Variants in RAB31 observed in about 807,000 individuals in gnomAD.
The protein encoded by RAB31 is RAB31, member RAS oncogene family.
In RAB31, 21 loss-of-function variants were observed where a neutral mutation model predicts 25.6. That is an observed-to-expected ratio of 0.82 (90% CI 0.58 to 1.18). The LOEUF is 1.18. Ranked by LOEUF, RAB31 falls within the 50% of genes most tolerant of loss-of-function variation. RAB31 has a pLI of 0.00. For synonymous variants in RAB31, 87 were observed against 84.0 expected, an observed-to-expected ratio of 1.04 and a Z score of -0.20; for missense variants, 196 against 250.1, an observed-to-expected ratio of 0.78 and a Z score of 1.46.
intron 1 of RAB31, among the ~76,000 whole-genome samples, chr18:9,743,591 C>A (rs899525144): frequency 6.6e-6 from 1 of 152,152 alleles, no homozygotes; most frequent in Non-Finnish European, 1.5e-5. Flanking sequence ...CTCCTGGGTC[C>A]GGCCCTCCCG....
chr18:9,817,940 A>G (rs2068607175), intron 5 of RAB31, among the ~76,000 whole-genome samples: 1 of 152,222 alleles, frequency 6.6e-6, no homozygotes, highest in Admixed American at 6.5e-5. Context: ...TGGTAGTGTC[A>G]TGGGGCCACT....
intron 1 of RAB31, among the ~76,000 whole-genome samples, chr18:9,730,150 A>G (rs1372429803): frequency 6.6e-6 from 1 of 152,262 alleles, no homozygotes; most frequent in Non-Finnish European, 1.5e-5. Context: ...ATGAGATTTT[A>G]AGTTTAAAAA....
intron 1 of RAB31, among the ~76,000 whole-genome samples, chr18:9,733,080 C>T (rs770427137): frequency 9.9e-5 from 15 of 152,188 alleles, no homozygotes; most frequent in Non-Finnish European, 2.1e-4. Flanking sequence ...GCGAGTTAGA[C>T]AGTTTCCACT....
intron 2 of RAB31, among the ~76,000 whole-genome samples, chr18:9,791,780 A>G (rs893859053): frequency 6.6e-6 from 1 of 151,866 alleles, no homozygotes; most frequent in African/African-American, 2.4e-5. Flanking sequence ...AATTTTTTGT[A>G]TTTTTAGTAG....
intron 1 of RAB31, among the ~76,000 whole-genome samples, chr18:9,763,616 ATATATATG>A (rs1397818785): frequency 7.0e-6 from 1 of 143,710 alleles, no homozygotes; most frequent in African/African-American, 2.5e-5. Flanking sequence ...ATATATATAT[ATATATATG>A]GTGAAAAAGT....
intron 5 of RAB31, among the ~76,000 whole-genome samples, chr18:9,820,216 C>T (rs1285967308): frequency 6.6e-6 from 1 of 151,948 alleles, no homozygotes; most frequent in Non-Finnish European, 1.5e-5. Context: ...GAAGAAATTC[C>T]CTTCTGCTCC....
At chr18:9,802,853 A>G (rs545898708) in intron 3 of RAB31, among the ~76,000 whole-genome samples, 6 of 152,348 alleles carry the variant, frequency 3.9e-5, no homozygotes, top group South Asian at 2.1e-4. Context: ...CAGACATCCA[A>G]AGAAACTCTT....
At chr18:9,826,249 G>C (rs564862183) in intron 5 of RAB31, among the ~76,000 whole-genome samples, 2 of 151,904 alleles carry the variant, frequency 1.3e-5, no homozygotes, top group Non-Finnish European at 2.9e-5. Flanking sequence ...GGTGGCACAC[G>C]CCTGTAATCC....
At chr18:9,711,360 A>G (rs1294546233) in intron 1 of RAB31, among the ~76,000 whole-genome samples, 1 of 151,714 alleles carries the variant, frequency 6.6e-6, no homozygotes, top group Non-Finnish European at 1.5e-5. Context: ...GCTAAGTCCA[A>G]AAGTCCTTTA....
chr18:9,774,180 A>C (rs2068360148), intron 1 of RAB31, among the ~76,000 whole-genome samples: 1 of 152,106 alleles, frequency 6.6e-6, no homozygotes, highest in Admixed American at 6.5e-5. Flanking sequence ...GGGATCCCAA[A>C]TATCGGGAAC....
In RAB31 at chr18:9,861,102, GTAAAAAAA is replaced by G. The variant is rs914103006; in HGVS notation, c.*1778_*1785del. ...GAAATGATCATACCCCTTGCCAAAG[GTAAAAAAA>G]AAAAAAAAAAAATGAGTTGAAAATT... On this transcript the variant is annotated 3_prime_UTR_variant, in exon 7 of 7. Coordinates refer to ENST00000578921, the MANE Select transcript of RAB31 (RefSeq NM_006868.4). 1 of 141,530 alleles carries G rather than the reference GTAAAAAAA, an allele frequency of 7.1e-6. No homozygotes were observed. Among genetic ancestry groups the G allele is most frequent in the African/African-American group, 2.7e-5 (1 of 37,590 alleles). The allele number at this position is 141,530 out of a possible 1,614,324, so 8.8% of individuals were successfully genotyped here. A position where few individuals can be genotyped will look rare whatever the true frequency, so the allele number is the denominator to read the frequency against.
At chr18:9,839,656 C>T (rs191607352) in intron 5 of RAB31, among the ~76,000 whole-genome samples, 1 of 152,222 alleles carries the variant, frequency 6.6e-6, no homozygotes, top group Admixed American at 6.5e-5. Context: ...TGACAAGTTG[C>T]ATTTGTGAAG....
intron 3 of RAB31, among the ~76,000 whole-genome samples, chr18:9,813,018 T>TA (rs550149367): frequency 2.6e-4 from 39 of 152,154 alleles, no homozygotes; most frequent in South Asian, 6.2e-4. Context: ...CTTTTTAATT[T>TA]AAAAAAATAT....
chr18:9,792,374 T>C, intron 3 of RAB31, 139 bp downstream of exon 3: 2 of 1,416,148 alleles, frequency 1.4e-6, no homozygotes, highest in South Asian at 1.4e-5. Flanking sequence ...AAAAAGAAAA[T>C]GTACTCATTA....
intron 3 of RAB31, among the ~76,000 whole-genome samples, chr18:9,812,135 C>T (rs2068575331): frequency 1.3e-5 from 2 of 152,178 alleles, no homozygotes; most frequent in South Asian, 4.1e-4. Flanking sequence ...GGACTAATCC[C>T]ATCTGTGACC....
chr18:9,813,441 C>T (rs1331692377), intron 3 of RAB31, among the ~76,000 whole-genome samples: 1 of 152,220 alleles, frequency 6.6e-6, no homozygotes, highest in Non-Finnish European at 1.5e-5. Context: ...AGAAAATTCA[C>T]AAGATGGTAA....
chr18:9,804,559 C>T (rs1599045722), intron 3 of RAB31, among the ~76,000 whole-genome samples: 1 of 152,326 alleles, frequency 6.6e-6, no homozygotes, highest in Non-Finnish European at 1.5e-5. Context: ...CTCCCTTTCC[C>T]TTCTGTCCTC....
chr18:9,727,510 CT>C, intron 1 of RAB31, among the ~76,000 whole-genome samples: 1 of 152,214 alleles, frequency 6.6e-6, no homozygotes. Context: ...AGACAGTGTT[CT>C]CGTTATGTTG....
chr18:9,764,887 A>C (rs1215655151), intron 1 of RAB31, among the ~76,000 whole-genome samples: 1 of 152,146 alleles, frequency 6.6e-6, no homozygotes, highest in Non-Finnish European at 1.5e-5. Flanking sequence ...TTCCCTCATG[A>C]GGTAGATAGA....
Sources: gnomAD v4.1 joint callset for allele counts (sites outside exome capture counted in the v4.1 genomes callset) on GRCh38, gnomAD v4.1.1 for gene constraint, MANE v1.5 for transcripts, NCBI Gene and HGNC (gene_info 2026-07-23, HGNC 2026-07-21) for gene names.